The following KDM3A variants were observed in gnomAD, a reference collection of about 807,000 sequenced individuals.
KDM3A encodes lysine-specific demethylase 3A.
KDM3A carries 60 observed loss-of-function variants against 158.0 expected under a neutral mutation model. The observed-to-expected ratio is 0.38, with a 90% CI of 0.31 to 0.47. The LOEUF (loss-of-function observed/expected upper bound fraction) is 0.47, where lower values mean the gene tolerates loss of function less well. Among genes scored for constraint, KDM3A ranks in the 20% least tolerant of loss-of-function variants. The pLI is 0.99. For synonymous variants in KDM3A, 608 were observed against 549.3 expected (o/e 1.11, Z -1.49); for missense variants, 1,319 against 1,574.3 (o/e 0.84, Z 2.74).
Position 86,464,236 on chromosome 2 carries a change from A to C in KDM3A, c.1007+20A>C, listed in dbSNP as rs763877890. 6.7e-7 allele frequency: 1 copy of C among 1,486,590 alleles called. No homozygotes were observed. Among genetic ancestry groups the C allele is most frequent in the Non-Finnish European group, 9.0e-7 (1 of 1,106,648 alleles). The allele number at this position is 1,486,590 out of a possible 1,614,324, so 92.1% of individuals were successfully genotyped here. A position where few individuals can be genotyped will look rare whatever the true frequency, so the allele number is the denominator to read the frequency against. ...TCAAGGGTGAGTAGTGATTTGTTAA[A>C]GATGTTTAATTATAATAATAAAAAA... On this transcript the variant is annotated intron_variant, in intron 9 of 25. Coordinates refer to ENST00000312912, the MANE Select transcript of KDM3A (RefSeq NM_018433.6).
chr2:86,476,117 T>G (rs1369147253), intron 12 of KDM3A, among the ~76,000 whole-genome samples: 3 of 152,240 alleles, frequency 2.0e-5, no homozygotes, highest in African/African-American at 7.2e-5. Flanking sequence ...AGACAAGCAA[T>G]ATTAGTTTTC....
intron 4 of KDM3A, among the ~76,000 whole-genome samples, chr2:86,452,688 A>G (rs956731646): frequency 6.6e-6 from 1 of 152,170 alleles, no homozygotes; most frequent in East Asian, 1.9e-4. Context: ...GTATAGAACT[A>G]TGAAACCTAT....
At chr2:86,455,358 C>G (rs965127294) in intron 5 of KDM3A, among the ~76,000 whole-genome samples, 171 bp downstream of exon 5, 2 of 148,534 alleles carry the variant, frequency 1.3e-5, no homozygotes, top group Non-Finnish European at 3.0e-5. Flanking sequence ...TGTCTTGGCT[C>G]ACTGCAACCT....
intron 2 of KDM3A, among the ~76,000 whole-genome samples, chr2:86,445,926 A>G (rs1188874666): frequency 6.6e-6 from 1 of 152,216 alleles, no homozygotes; most frequent in Non-Finnish European, 1.5e-5. Context: ...TAAAATAGAC[A>G]TGTAATTAAA....
chr2:86,470,654 A>G (rs72844694), intron 11 of KDM3A, among the ~76,000 whole-genome samples: 2 of 152,338 alleles, frequency 1.3e-5, no homozygotes, highest in Non-Finnish European at 2.9e-5. Flanking sequence ...AGTAACAGTC[A>G]TTATAGAAAA....
intron 10 of KDM3A, among the ~76,000 whole-genome samples, chr2:86,469,451 T>C (rs917461742): frequency 1.3e-5 from 2 of 152,260 alleles, no homozygotes; most frequent in Non-Finnish European, 2.9e-5. Flanking sequence ...TTCCTTACTT[T>C]GTTATTTTCT....
In KDM3A at chr2:86,489,626, G is replaced by T; in HGVS notation, c.3540G>T (p.Lys1180Asn). ...PGALWHIYAA[K>N]DTEKIREFLK... Reference sequence around the variant, plus strand: ...CACTGTGGCACATATATGCTGCAAAGGACACGGAGAAGATAAGGGAATTTC... The same window carrying T: ...CACTGTGGCACATATATGCTGCAAATGACACGGAGAAGATAAGGGAATTTC... The change falls in exon 23 of 26, where the codon AAG becomes AAT. Residue 1180 changes from lysine (K) to asparagine (N), a missense_variant. By Grantham distance (94) the Lys-to-Asn change is moderately conservative. Transcript: ENST00000312912. 2 of 1,613,140 alleles carry T rather than the reference G, an allele frequency of 1.2e-6. No individual in the cohort carries two copies. Among genetic ancestry groups the T allele is most frequent in the Non-Finnish European group, 1.7e-6 (2 of 1,179,700 alleles).
At position 86,489,453 on chromosome 2, in the gene KDM3A, T is replaced by G. The variant is rs933364020; in HGVS notation, c.3433+16T>G. On this transcript the variant is annotated intron_variant, in intron 22 of 25. Coordinates refer to ENST00000312912, the MANE Select transcript of KDM3A (RefSeq NM_018433.6). ...CAAGAAGAAGGTAGGGTGCTGAGCA[T>G]AAAAGGAGGGCTTACTCTTTGAGCC... The G allele has an allele frequency of 2.7e-5, 44 of 1,613,044 alleles. No homozygotes were observed. The African/African-American group carries it at 5.5e-4, about 20-fold the overall frequency.
chr2:86,486,037 T>G (rs1020815531), intron 21 of KDM3A, among the ~76,000 whole-genome samples, 178 bp downstream of exon 21: 1 of 152,240 alleles, frequency 6.6e-6, no homozygotes, highest in Non-Finnish European at 1.5e-5. Flanking sequence ...GTGTTTCTTT[T>G]CATAGTTGCA....
At chr2:86,463,358 T>C (rs1429149436) in intron 8 of KDM3A, among the ~76,000 whole-genome samples, 2 of 152,218 alleles carry the variant, frequency 1.3e-5, no homozygotes, top group Non-Finnish European at 2.9e-5. Context: ...TTCTTTTTTA[T>C]GGTGGGAAGT....
At chr2:86,468,413 T>G (rs1673254340) in intron 10 of KDM3A, among the ~76,000 whole-genome samples, 2 of 152,202 alleles carry the variant, frequency 1.3e-5, no homozygotes, top group Admixed American at 6.5e-5. Flanking sequence ...GAAGCAAATT[T>G]AATATTATGT....
Position 86,442,024 on chromosome 2 carries a change from G to A in KDM3A, c.-24G>A, listed in dbSNP as rs1436143663. ...TGTTTTTGTGTTTTTGCAGGGAGGA[G>A]CTCTTCCTGCAGGCGTGGAAACCAT... On this transcript the variant is annotated 5_prime_UTR_variant, in exon 2 of 26. Transcript: ENST00000312912. The A allele has an allele frequency of 8.1e-6, 13 of 1,612,716 alleles. No individual in the cohort carries two copies. The highest frequency in any genetic ancestry group is 1.1e-5 in the Non-Finnish European group (13 of 1,179,252).
At chr2:86,437,224 T>C (rs1057452048), upstream of KDM3A, among the ~76,000 whole-genome samples, 1 of 151,972 alleles carries the variant, frequency 6.6e-6, no homozygotes, top group Admixed American at 6.6e-5. Flanking sequence ...CACTGCAACC[T>C]CTGCTTCCTG....
chr2:86,484,469 C>A (rs1167080391), intron 19 of KDM3A, among the ~76,000 whole-genome samples: 1 of 152,166 alleles, frequency 6.6e-6, no homozygotes, highest in Non-Finnish European at 1.5e-5. Context: ...ACACCTGTGA[C>A]CCTTGATGGT....
chr2:86,446,834 T>TG (rs1339828144), intron 2 of KDM3A, among the ~76,000 whole-genome samples: 2 of 152,170 alleles, frequency 1.3e-5, no homozygotes, highest in African/African-American at 4.8e-5. Context: ...TTTCTGGAAA[T>TG]GGGGTCTCAC....
At chr2:86,483,813 G>C in intron 18 of KDM3A, 174 bp from the exon 19 acceptor site, 1 of 550,312 alleles carries the variant, frequency 1.8e-6, no homozygotes, top group Non-Finnish European at 3.2e-6. Flanking sequence ...GAATGGTGAA[G>C]GTTGGAGGTG....
intron 11 of KDM3A, among the ~76,000 whole-genome samples, chr2:86,470,625 A>G (rs1673360202): frequency 6.6e-6 from 1 of 152,226 alleles, no homozygotes; most frequent in South Asian, 2.1e-4. Flanking sequence ...GCTTAAAAAT[A>G]TAAACTTCTA....
At chr2:86,445,184 A>G (rs1357474819) in intron 2 of KDM3A, among the ~76,000 whole-genome samples, 2 of 152,208 alleles carry the variant, frequency 1.3e-5, no homozygotes, top group Admixed American at 1.3e-4. Flanking sequence ...CACCGAGAAC[A>G]CTGCTTGGCA....
At chr2:86,441,921 C>G (rs1682733690) in intron 1 of KDM3A, 97 bp from the exon 2 acceptor site, 2 of 960,878 alleles carry the variant, frequency 2.1e-6, no homozygotes, top group Admixed American at 5.5e-5. Flanking sequence ...CGCGTCCTCG[C>G]GCGGGTTCGG....
Sources: gnomAD v4.1 joint callset for allele counts (sites outside exome capture counted in the v4.1 genomes callset) on GRCh38, gnomAD v4.1.1 for gene constraint, MANE v1.5 for transcripts, NCBI Gene and HGNC (gene_info 2026-07-23, HGNC 2026-07-21) for gene names.